The following CATSPERG variants were observed in gnomAD, a reference collection of about 807,000 sequenced individuals.
The protein encoded by CATSPERG is catsper channel auxiliary subunit gamma, also known as cation channel sperm-associated auxiliary subunit gamma.
A neutral mutation model predicts 145.0 loss-of-function variants in CATSPERG; 115 were observed. The observed-to-expected ratio is 0.79, with a 90% CI of 0.68 to 0.93. The LOEUF (loss-of-function observed/expected upper bound fraction) is 0.93, where lower values mean the gene tolerates loss of function less well. CATSPERG is among the 40% of genes least tolerant of loss of function. The probability of loss-of-function intolerance (pLI) is 0.00; values close to 1 mark genes in which losing one functional copy is unlikely to be tolerated. For missense variants in CATSPERG, 1,296 were observed against 1,490.1 expected, an observed-to-expected ratio of 0.87 and a Z score of 2.14; for synonymous variants, 588 against 589.0, an observed-to-expected ratio of 1.00 and a Z score of 0.02.
chr19:38,344,499 A>G (rs921397383), intron 6 of CATSPERG, 131 bp downstream of exon 6: 1 of 769,262 alleles, frequency 1.3e-6, no homozygotes, highest in East Asian at 2.7e-5. Flanking sequence ...TGAAGATCCC[A>G]TTAATCTCCC....
At chr19:38,365,158 TG>T (rs1970426905) in intron 22 of CATSPERG, 41 bp downstream of exon 22, 12 of 1,578,938 alleles carry the variant, frequency 7.6e-6, no homozygotes, top group African/African-American at 1.3e-5. Context: ...AGGGGAAGGT[TG>T]GGGTCGGGTC....
intron 16 of CATSPERG, 61 bp downstream of exon 16, chr19:38,360,904 T>C (rs1258408229): frequency 7.3e-7 from 1 of 1,376,024 alleles, no homozygotes; most frequent in African/African-American, 1.4e-5. Flanking sequence ...CTCCTGAAGC[T>C]ACCATTCTTG....
intron 8 of CATSPERG, among the ~76,000 whole-genome samples, chr19:38,353,027 C>CAAA (rs61080753): frequency 3.2e-5 from 2 of 61,552 alleles, no homozygotes; most frequent in African/African-American, 7.0e-5. Context: ...GACCCTGTTT[C>CAAA]AAAAAAAAAA....
At chr19:38,336,184 G>A in intron 1 of CATSPERG, 1 of 456,412 alleles carries the variant, frequency 2.2e-6, no homozygotes, top group South Asian at 1.6e-5. Flanking sequence ...AGGTGTCGCG[G>A]TACGAGGGGA....
At chr19:38,367,436 C>T (rs1970471275) in intron 23 of CATSPERG, 73 bp from the exon 24 acceptor site, 1 of 1,568,744 alleles carries the variant, frequency 6.4e-7, no homozygotes, top group Non-Finnish European at 8.7e-7. Flanking sequence ...TCTCACTTTC[C>T]CCCGTCTCGG....
chr19:38,359,549 G>C lies in CATSPERG; in HGVS notation c.1576G>C (p.Gly526Arg). Residue 526 changes from glycine (G) to arginine (R), a missense_variant, in exon 14 of 29, where the codon GGG (glycine) becomes CGG (arginine). Coordinates refer to ENST00000409235, the MANE Select transcript of CATSPERG (RefSeq NM_021185.5). ...SIKYMARSFR[G>R]AVAIVTETEE... ...CAAATACATGGCCAGATCGTTCCGT[G>C]GGGCTGTGGCTATTGTCACAGAGAC... The C allele has an allele frequency of 6.2e-7, 1 of 1,613,600 alleles. No homozygotes were observed. Among genetic ancestry groups the C allele is most frequent in the African/African-American group, 1.3e-5 (1 of 75,032 alleles).
intron 7 of CATSPERG, among the ~76,000 whole-genome samples, chr19:38,351,472 G>T (rs1970138187): frequency 6.6e-6 from 1 of 151,970 alleles, no homozygotes; most frequent in Non-Finnish European, 1.5e-5. Context: ...GCCAGGCTTG[G>T]TGGTAGGTGC....
Position 38,361,531 on chromosome 19 carries a change from G to T in CATSPERG, c.1881-117G>T, listed in dbSNP as rs539142594. On this transcript the variant is annotated intron_variant, in intron 16 of 28. Transcript: ENST00000409235. ...GGCAGCAGGGGCTGACGCTGAGGAG[G>T]AAGATTCGGGCTGGATTCGATACGG... is the stretch of plus-strand genomic sequence containing the variant. 7.2e-4 allele frequency: 571 copies of T among 798,194 alleles called. 2 individuals carry two copies. The African/African-American group carries it at 9.1e-3, about 13-fold the overall frequency. The allele number at this position is 798,194 out of a possible 1,614,324, so 49.4% of individuals were successfully genotyped here.
At chr19:38,361,949 C>A in intron 17 of CATSPERG, 88 bp downstream of exon 17, 1 of 752,408 alleles carries the variant, frequency 1.3e-6, no homozygotes, top group African/African-American at 2.0e-5. Context: ...TGGAGCGGAG[C>A]GCAGCGGGAT....
rs768911056 is a variant in CATSPERG, at chr19:38,344,343, A to G, written c.644A>G (p.Asn215Ser). ...NGFLKRDRDN[N>S]IQFTVGEELF... Reference sequence around the variant, plus strand: ...TTCCTGAAGAGAGACCGGGACAATAACATCCAATTCACTGTGGGAGAGGAG... The same window carrying G: ...TTCCTGAAGAGAGACCGGGACAATAGCATCCAATTCACTGTGGGAGAGGAG... Residue 215 changes from asparagine to serine, a missense_variant, in exon 6 of 29, where the codon AAC becomes AGC. Physicochemically the swap from Asn to Ser is conservative, Grantham distance 46. Coordinates refer to ENST00000409235, the MANE Select transcript of CATSPERG (RefSeq NM_021185.5). The G allele has an allele frequency of 1.3e-6, 2 of 1,551,784 alleles. No homozygotes were observed. Among genetic ancestry groups the G allele is most frequent in the Non-Finnish European group, 1.7e-6 (2 of 1,146,980 alleles).
At chr19:38,356,882 G>C (rs752998252) in intron 11 of CATSPERG, 21 bp downstream of exon 11, 1 of 1,613,028 alleles carries the variant, frequency 6.2e-7, no homozygotes, top group Non-Finnish European at 8.5e-7. Flanking sequence ...TGATGCAAGG[G>C]GCTGGGCACA....
chr19:38,349,131 CTTTTTCTTT>C (rs1970091742), intron 7 of CATSPERG: 1 of 152,120 alleles, frequency 6.6e-6, no homozygotes, highest in East Asian at 1.9e-4. Flanking sequence ...TGTTTTAGTT[CTTTTTCTTT>C]TTTTTCTTTT....
chr19:38,368,865 G>A (rs1011956919), intron 26 of CATSPERG, among the ~76,000 whole-genome samples: 9 of 152,190 alleles, frequency 5.9e-5, no homozygotes, highest in East Asian at 1.9e-4. Flanking sequence ...GTTTCACCAC[G>A]TTGGTCAGGC....
chr19:38,354,966 A>G, intron 9 of CATSPERG, 119 bp downstream of exon 9: 3 of 1,179,370 alleles, frequency 2.5e-6, no homozygotes, highest in Non-Finnish European at 3.6e-6. Context: ...CCCTAGGCTG[A>G]GGGTGATGGT....
chr19:38,343,564 G>A lies in CATSPERG; in HGVS notation c.325-16G>A. On this transcript the variant is annotated splice_polypyrimidine_tract_variant and intron_variant, in intron 3 of 28. Coordinates refer to ENST00000409235, the MANE Select transcript of CATSPERG (RefSeq NM_021185.5). ...GCTACCATAAGGACACACTTGTGGG[G>A]CCATCTCACCCTCAGCCCTCTGAGG... 1.3e-6 allele frequency: 2 copies of A among 1,536,512 alleles called. No homozygotes were observed. The highest frequency in any genetic ancestry group is 1.8e-6 in the Non-Finnish European group (2 of 1,139,502).
chr19:38,360,541 AGGGCT>A lies in CATSPERG; in HGVS notation c.1664_1668del (p.Gly555AlafsTer19). ...CGGGTCTACCAGCTGTTCCCTTCCA[AGGGCT>A]GGCAGGTGCACATCAGCTTAAAGCT... is the stretch of plus-strand genomic sequence containing the variant. On this transcript the variant is annotated frameshift_variant, in exon 15 of 29. Coordinates refer to ENST00000409235, the MANE Select transcript of CATSPERG (RefSeq NM_021185.5). LOFTEE classifies it high-confidence loss of function. The A allele has an allele frequency of 6.2e-7, 1 of 1,614,144 alleles. No individual in the cohort carries two copies. The highest frequency in any genetic ancestry group is 2.2e-5 in the East Asian group (1 of 44,882).
At chr19:38,364,234 C>T (rs1270198996) in intron 20 of CATSPERG, among the ~76,000 whole-genome samples, 1 of 152,128 alleles carries the variant, frequency 6.6e-6, no homozygotes, top group Non-Finnish European at 1.5e-5. Flanking sequence ...AGGGGCTCCT[C>T]ATTTCTCAGA....
At chr19:38,352,584 C>A in intron 8 of CATSPERG, 152 bp downstream of exon 8, 1 of 636,428 alleles carries the variant, frequency 1.6e-6, no homozygotes, top group Non-Finnish European at 2.7e-6. Context: ...CCGAATGGGC[C>A]TTGCCTTGCC....
At chr19:38,358,841 G>GTT (rs112705504) in intron 13 of CATSPERG, among the ~76,000 whole-genome samples, 1 of 150,608 alleles carries the variant, frequency 6.6e-6, no homozygotes, top group African/African-American at 2.4e-5. Flanking sequence ...AGTTTCTAGG[G>GTT]TTTTTTTTTG....
Sources: allele counts gnomAD v4.1 joint callset (sites outside exome capture counted in the v4.1 genomes callset), GRCh38; gene constraint gnomAD v4.1.1; transcripts MANE v1.5; gene names NCBI Gene and HGNC (gene_info 2026-07-23, HGNC 2026-07-21).